Variants in PPM1H observed in about 807,000 individuals in gnomAD.
The protein encoded by PPM1H is protein phosphatase, Mg2+/Mn2+ dependent 1H.
A neutral mutation model predicts 54.9 loss-of-function variants in PPM1H; 27 were observed. That is an observed-to-expected ratio of 0.49 (90% CI 0.36 to 0.68). The LOEUF is 0.68. Ranked by LOEUF, PPM1H falls within the 30% of genes least tolerant of loss-of-function variation. The probability of loss-of-function intolerance (pLI) is 0.00; values close to 1 mark genes in which losing one functional copy is unlikely to be tolerated. For missense variants in PPM1H, 596 were observed against 667.8 expected (o/e 0.89, Z 1.19); for synonymous variants, 305 against 270.8 (o/e 1.13, Z -1.24).
chr12:62,711,821 G>A (rs558375065), intron 6 of PPM1H, among the ~76,000 whole-genome samples: 1 of 152,080 alleles, frequency 6.6e-6, no homozygotes, highest in African/African-American at 2.4e-5. Flanking sequence ...TCAATGGGGA[G>A]CGAGCTGGTG....
chr12:62,685,798 T>C (rs1333890981), intron 8 of PPM1H, among the ~76,000 whole-genome samples: 1 of 152,188 alleles, frequency 6.6e-6, no homozygotes, highest in Non-Finnish European at 1.5e-5. Context: ...AAATGATAAG[T>C]ATATGAAGTG....
At chr12:62,714,746 C>T (rs1318244629) in intron 6 of PPM1H, among the ~76,000 whole-genome samples, 2 of 152,170 alleles carry the variant, frequency 1.3e-5, no homozygotes, top group Non-Finnish European at 2.9e-5. Flanking sequence ...GTCCAGCCTG[C>T]CCCTGAAATG....
intron 4 of PPM1H, among the ~76,000 whole-genome samples, chr12:62,783,921 T>C (rs1353134078): frequency 2.0e-5 from 3 of 152,122 alleles, no homozygotes; most frequent in African/African-American, 7.2e-5. Flanking sequence ...TAAAATGGAG[T>C]TCCTAAACTG....
At chr12:62,704,648 G>A (rs2076163088) in intron 6 of PPM1H, among the ~76,000 whole-genome samples, 2 of 152,224 alleles carry the variant, frequency 1.3e-5, no homozygotes, top group African/African-American at 4.8e-5. Context: ...TGAATTGTGA[G>A]TGTGATTAAT....
At chr12:62,925,909 T>C (rs751570860) in intron 1 of PPM1H, among the ~76,000 whole-genome samples, 2 of 152,252 alleles carry the variant, frequency 1.3e-5, no homozygotes, top group Non-Finnish European at 2.9e-5. Flanking sequence ...TCTTCTAATA[T>C]GTGCCTGAAA....
chr12:62,855,172 T>A (rs1277381263), intron 1 of PPM1H, among the ~76,000 whole-genome samples: 1 of 152,190 alleles, frequency 6.6e-6, no homozygotes. Context: ...TGCCTGGCAC[T>A]ATTCTGGTTT....
At chr12:62,656,334 A>G (rs1278416080) in intron 9 of PPM1H, among the ~76,000 whole-genome samples, 1 of 152,180 alleles carries the variant, frequency 6.6e-6, no homozygotes, top group East Asian at 1.9e-4. Flanking sequence ...TGTAACAGCC[A>G]TGTGATCTTT....
chr12:62,708,889 TC>T (rs1190716574), intron 6 of PPM1H, among the ~76,000 whole-genome samples: 1 of 152,168 alleles, frequency 6.6e-6, no homozygotes, highest in Non-Finnish European at 1.5e-5. Context: ...CTCCTAGTAG[TC>T]CCCTATATGT....
At chr12:62,678,282 T>C (rs147889056) in intron 8 of PPM1H, among the ~76,000 whole-genome samples, 14 of 152,346 alleles carry the variant, frequency 9.2e-5, no homozygotes, top group Middle Eastern at 3.4e-3. Context: ...AACATTCTTA[T>C]ATGCATTAAT....
intron 4 of PPM1H, among the ~76,000 whole-genome samples, chr12:62,765,359 A>G (rs2076535453): frequency 6.6e-6 from 1 of 152,182 alleles, no homozygotes; most frequent in Admixed American, 6.5e-5. Flanking sequence ...CCCTAAAAGA[A>G]GCCATCTCTG....
In PPM1H at chr12:62,746,762, C is replaced by G. The variant is rs1052563441; in HGVS notation, c.870-9176G>C. ...CCTTCTAGATGGTCTCAGAAATGTT[C>G]TCCCTTCACGGAGCCCCAACACACA... On this transcript the variant is annotated intron_variant, in intron 4 of 9. Coordinates refer to ENST00000228705, the MANE Select transcript of PPM1H (RefSeq NM_020700.2). Among the ~76,000 whole-genome samples, 3 of 152,190 alleles carry G rather than the reference C, an allele frequency of 2.0e-5. No individual in the cohort carries two copies. The East Asian group carries it at 5.8e-4, about 29-fold the overall frequency.
chr12:62,755,967 G>C, intron 4 of PPM1H: 1 of 1,034,306 alleles, frequency 9.7e-7, no homozygotes, highest in Non-Finnish European at 1.5e-6. Flanking sequence ...GGCCTGAACT[G>C]CTGTCTGGAA....
intron 4 of PPM1H, among the ~76,000 whole-genome samples, chr12:62,740,048 C>T (rs1186041585): frequency 1.3e-5 from 2 of 152,196 alleles, no homozygotes; most frequent in South Asian, 2.1e-4. Context: ...CAAAACCATG[C>T]TAAAGCATTC....
chr12:62,665,966 G>A (rs1287402304), intron 9 of PPM1H, among the ~76,000 whole-genome samples: 3 of 152,148 alleles, frequency 2.0e-5, no homozygotes, highest in African/African-American at 7.2e-5. Context: ...TGTGGCTCAA[G>A]TGATCCTCCT....
chr12:62,910,231 C>A (rs1465178704), intron 1 of PPM1H, among the ~76,000 whole-genome samples: 1 of 152,154 alleles, frequency 6.6e-6, no homozygotes, highest in Non-Finnish European at 1.5e-5. Context: ...CAGAAAGAGA[C>A]AAGACCATAC....
intron 3 of PPM1H, among the ~76,000 whole-genome samples, chr12:62,798,826 A>G (rs1413108840): frequency 6.6e-6 from 1 of 152,000 alleles, no homozygotes; most frequent in Non-Finnish European, 1.5e-5. Context: ...GCCCCAGGGC[A>G]TTCATTCTCC....
intron 1 of PPM1H, among the ~76,000 whole-genome samples, chr12:62,869,008 G>C (rs1328965079): frequency 6.6e-6 from 1 of 152,144 alleles, no homozygotes; most frequent in East Asian, 1.9e-4. Context: ...ACTGTGTGCT[G>C]TACCCACTAT....
intron 4 of PPM1H, among the ~76,000 whole-genome samples, chr12:62,761,644 C>T (rs958761830): frequency 2.6e-5 from 4 of 152,064 alleles, no homozygotes; most frequent in Non-Finnish European, 5.9e-5. Context: ...GCCCTCATTT[C>T]CCCATAAAAA....
rs964920217 is a variant in PPM1H at position 62,908,097 on chromosome 12, G to A, written c.245+26395C>T. 3.3e-5 allele frequency among the ~76,000 whole-genome samples: 5 copies of A among 152,304 alleles called. No homozygotes were observed. The East Asian group carries it at 9.6e-4, about 29-fold the overall frequency. On this transcript the variant is annotated intron_variant, in intron 1 of 9. Coordinates refer to ENST00000228705, the MANE Select transcript of PPM1H (RefSeq NM_020700.2). ...TTGACTTGTTTACAATCAAAATCGTGCATGCATGACAGGTCATTAGAAATT... is the reference window on the plus strand; with the variant it reads ...TTGACTTGTTTACAATCAAAATCGTACATGCATGACAGGTCATTAGAAATT...
Sources: gnomAD v4.1 joint callset for allele counts (sites outside exome capture counted in the v4.1 genomes callset) on GRCh38, gnomAD v4.1.1 for gene constraint, MANE v1.5 for transcripts, NCBI Gene and HGNC (gene_info 2026-07-23, HGNC 2026-07-21) for gene names.